The following BOD1L1 variants were observed in gnomAD, a reference collection of about 807,000 sequenced individuals.
The protein encoded by BOD1L1 is biorientation of chromosomes in cell division protein 1-like 1.
BOD1L1 carries 86 observed loss-of-function variants against 240.7 expected under a neutral mutation model. The ratio of observed to expected loss-of-function variants is 0.36; its 90% CI spans 0.30 to 0.43. The LOEUF (loss-of-function observed/expected upper bound fraction) is 0.43. BOD1L1 is among the 20% of genes least tolerant of loss of function. The pLI is 1.00. For missense variants in BOD1L1, 3,554 were observed against 3,643.5 expected, an observed-to-expected ratio of 0.98 and a Z score of 0.63; for synonymous variants, 1,268 against 1,272.3, an observed-to-expected ratio of 1.00 and a Z score of 0.07.
intron 17 of BOD1L1, among the ~76,000 whole-genome samples, chr4:13,582,939 G>C (rs562026350): frequency 3.9e-5 from 6 of 152,310 alleles, no homozygotes; most frequent in African/African-American, 1.4e-4. Flanking sequence ...GAACAGAAAA[G>C]CATGAGATAA....
intron 9 of BOD1L1, among the ~76,000 whole-genome samples, chr4:13,606,266 G>T (rs531566320): frequency 6.6e-6 from 1 of 152,044 alleles, no homozygotes; most frequent in Non-Finnish European, 1.5e-5. Flanking sequence ...TTCTTATAGA[G>T]AATTATCATA....
intron 7 of BOD1L1, 32 bp downstream of exon 7, chr4:13,609,263 T>C (rs1560210694): frequency 4.8e-6 from 6 of 1,246,998 alleles, no homozygotes; most frequent in Non-Finnish European, 6.4e-6. Flanking sequence ...ATATATGAGA[T>C]AGTTTAAAAT....
intron 22 of BOD1L1, among the ~76,000 whole-genome samples, chr4:13,578,580 C>T (rs1712970154): frequency 1.3e-5 from 2 of 152,180 alleles, no homozygotes; most frequent in African/African-American, 2.4e-5. Context: ...CAGGGTCTTG[C>T]TCTGTTGGCC....
chr4:13,591,291 T>C (rs1005928884), intron 13 of BOD1L1, among the ~76,000 whole-genome samples: 7 of 152,038 alleles, frequency 4.6e-5, no homozygotes, highest in African/African-American at 1.7e-4. Flanking sequence ...GGTGTATGAG[T>C]TTCTAGCTAC....
Position 13,582,746 on chromosome 4 carries a change from A to C in BOD1L1, c.8434-10T>G. On this transcript the variant is annotated splice_polypyrimidine_tract_variant and intron_variant, in intron 17 of 25. Coordinates refer to ENST00000040738, the MANE Select transcript of BOD1L1 (RefSeq NM_148894.3). The stretch of plus-strand genomic sequence containing the variant: ...CTCTGGAGTTCTCTTCCTATAGAGA[A>C]GTTGAAAAAGACTAGAACCTTCTTC... 1.9e-6 allele frequency: 3 copies of C among 1,578,578 alleles called. No homozygotes were observed. The highest frequency in any genetic ancestry group is 2.6e-6 in the Non-Finnish European group (3 of 1,149,252).
chr4:13,614,355 T>G lies in BOD1L1; in HGVS notation c.1015A>C (p.Lys339Gln). Reference protein sequence around the residue: ...NEKGERKKEKKEKTEKKFDHS... With the variant: ...NEKGERKKEKQEKTEKKFDHS... The stretch of plus-strand genomic sequence containing the variant: ...TCAAATTTCTTTTCAGTCTTTTCCT[T>G]CTTTTCTTTCTTTCTTTCTCCTTTC... Residue 339 changes from lysine to glutamine, a missense_variant, in exon 4 of 26, where the codon AAG becomes CAG. This residue lies in a region of BOD1L1 where 3,393 missense variants were observed against 3,427.1 expected (regional missense o/e 0.99). Coordinates refer to ENST00000040738, the MANE Select transcript of BOD1L1 (RefSeq NM_148894.3). The G allele has an allele frequency of 1.9e-6, 3 of 1,551,492 alleles. No individual in the cohort carries two copies. The highest frequency in any genetic ancestry group is 2.6e-6 in the Non-Finnish European group (3 of 1,147,048).
intron 8 of BOD1L1, among the ~76,000 whole-genome samples, chr4:13,607,624 G>A (rs1419896284): frequency 2.0e-5 from 3 of 152,138 alleles, no homozygotes; most frequent in Non-Finnish European, 4.4e-5. Flanking sequence ...ACACTTGATC[G>A]ACAAATGCAG....
rs1447114764 is a variant in BOD1L1, at chr4:13,604,863, T to A, written c.2037A>T (p.Gln679His). The part of the protein sequence containing the change: ...EETDTRDVKR[Q>H]VERSEICTEE... ...CGGTGCAAATTTCTGAGCGTTCTAC[T>A]TGCCTTTTTACATCTCTTGTGTCAG... The change falls in exon 10 of 26, where the codon CAA becomes CAT. Residue 679 changes from glutamine to histidine, a missense_variant. Around this residue, in one of 2 missense-constraint regions of BOD1L1, gnomAD observed 3,393 missense variants for 3,427.1 expected, o/e 0.99. Coordinates refer to ENST00000040738, the MANE Select transcript of BOD1L1 (RefSeq NM_148894.3). 1.2e-6 allele frequency: 2 copies of A among 1,612,204 alleles called. No individual in the cohort carries two copies. Among genetic ancestry groups the A allele is most frequent in the Non-Finnish European group, 1.7e-6 (2 of 1,179,514 alleles).
At chr4:13,588,319 A>AT (rs1332158118) in intron 15 of BOD1L1, among the ~76,000 whole-genome samples, 3 of 152,220 alleles carry the variant, frequency 2.0e-5, no homozygotes, top group African/African-American at 7.2e-5. Context: ...TTCTAGCTAC[A>AT]TACTATATTT....
chr4:13,583,947 G>GGACT (rs1713435804), intron 17 of BOD1L1, among the ~76,000 whole-genome samples: 1 of 152,106 alleles, frequency 6.6e-6, no homozygotes, highest in Admixed American at 6.5e-5. Flanking sequence ...CTGTGTTGTG[G>GGACT]GACTCCCAGC....
chr4:13,608,645 C>T lies in BOD1L1; in HGVS notation c.1627G>A (p.Glu543Lys). 1 of 1,530,224 alleles carries T rather than the reference C, an allele frequency of 6.5e-7. No individual in the cohort carries two copies. 94.8% of individuals were successfully genotyped at this position (1,530,224 alleles called of 1,614,324 possible). Residue 543 changes from glutamate to lysine, a missense_variant, in exon 8 of 26, where the codon GAA becomes AAA. Coordinates refer to ENST00000040738, the MANE Select transcript of BOD1L1 (RefSeq NM_148894.3). ...GQGRSSVDLE[E>K]SSTKSLEPKA... ...GGTTCCAAACTCTTTGTTGATGATTCTTCTAAGTCCACACTACTCCTGCCT... is the reference window on the plus strand; with the variant it reads ...GGTTCCAAACTCTTTGTTGATGATTTTTCTAAGTCCACACTACTCCTGCCT...
At chr4:13,572,221 GTGAGGACAC>G (rs1712267391) in intron 25 of BOD1L1, among the ~76,000 whole-genome samples, 1 of 152,212 alleles carries the variant, frequency 6.6e-6, no homozygotes, top group African/African-American at 2.4e-5. Context: ...GGTGCTGGTG[GTGAGGACAC>G]TCCTCACTGG....
rs761812779 is a variant in BOD1L1, at chr4:13,576,985, G to A, written c.8891C>T (p.Ser2964Leu). Residue 2964 changes from serine (S) to leucine (L), a missense_variant, in exon 25 of 26, where the codon TCA becomes TTA. Ser to Leu is a moderately radical substitution (Grantham distance 145). Around this residue, in one of 2 missense-constraint regions of BOD1L1, gnomAD observed 3,393 missense variants for 3,427.1 expected, o/e 0.99. Transcript: ENST00000040738. The stretch of plus-strand genomic sequence containing the variant: ...TTTCTGGCGTTTTCTTTCTGGCTCT[G>A]AGGATTCTGTTCAAATAGAAGGGTA... ...SLTVSDDAES[S>L]EPERKRQKSV... is the part of the protein sequence containing the mutation. 3 of 1,613,678 alleles carry A rather than the reference G, an allele frequency of 1.9e-6. No homozygotes were observed. The highest frequency in any genetic ancestry group is 2.5e-6 in the Non-Finnish European group (3 of 1,179,770).
At position 13,600,522 on chromosome 4, in the gene BOD1L1, A is replaced by G. The variant is rs1289037170; in HGVS notation, c.6378T>C (p.Asp2126=). 5.6e-6 allele frequency: 9 copies of G among 1,613,832 alleles called. No individual in the cohort carries two copies. In the Admixed American group the frequency reaches 1.5e-4, roughly 27 times the overall value. The change falls in exon 10 of 26, where the codon GAT becomes GAC. Residue 2126 remains aspartate (D), a synonymous_variant. Coordinates refer to ENST00000040738, the MANE Select transcript of BOD1L1 (RefSeq NM_148894.3). The part of the protein sequence containing the change: ...EAPMPSAVSG[D]DSQLTASRSE... ...TTCTGCTGGCAGTGAGTTGGCTGTC[A>G]TCTCCTGAGACTGCACTGGGCATGG...
In BOD1L1 at chr4:13,622,316, AACT is replaced by A. The variant is rs369411944; in HGVS notation, c.244-2252_244-2250del. 7.8e-4 allele frequency among the ~76,000 whole-genome samples: 119 copies of A among 152,310 alleles called. 1 individual carries two copies. The highest frequency in any genetic ancestry group is 2.8e-3 in the African/African-American group (116 of 41,562). On this transcript the variant is annotated intron_variant, in intron 1 of 25. Transcript: ENST00000040738. ...TCTTCCCAGAACAAGTTCAAATCTG[AACT>A]ACTCAACAGGTAATTTTCCTTGTTT...
At position 13,608,564 on chromosome 4, in the gene BOD1L1, CT is replaced by C; in HGVS notation, c.1707del (p.Val570Ter). On this transcript the variant is annotated frameshift_variant, in exon 8 of 26. Transcript: ENST00000040738. LOFTEE classifies it high-confidence loss of function. ...VLKERKVLEK[K>X]VALSKKRKKD... ...TTTTTTCTCTTTTTGCTTAAGGCTA[CT>C]TTTTTTTCTAAAACTTTCCGTTCTT... 10 of 1,541,504 alleles carry C rather than the reference CT, an allele frequency of 6.5e-6. No individual in the cohort carries two copies. Among genetic ancestry groups the C allele is most frequent in the Admixed American group, 4.3e-5 (2 of 45,994 alleles).
intron 22 of BOD1L1, chr4:13,577,867 A>T: frequency 2.8e-6 from 1 of 356,618 alleles, no homozygotes; most frequent in Non-Finnish European, 5.0e-6. Context: ...GCTGACCCTC[A>T]GTTTTTTCAG....
intron 25 of BOD1L1, among the ~76,000 whole-genome samples, chr4:13,574,208 A>G (rs1712502770): frequency 6.6e-6 from 1 of 152,198 alleles, no homozygotes; most frequent in African/African-American, 2.4e-5. Flanking sequence ...TTTCCCTGCC[A>G]CTGAGGTCCA....
chr4:13,573,314 G>C (rs1340202684), intron 25 of BOD1L1, among the ~76,000 whole-genome samples: 2 of 152,150 alleles, frequency 1.3e-5, no homozygotes, highest in Non-Finnish European at 2.9e-5. Context: ...TTGAGGCTCA[G>C]TAATGAGGAT....
Sources: gnomAD v4.1 joint callset for allele counts (sites outside exome capture counted in the v4.1 genomes callset) on GRCh38, gnomAD v4.1.1 for gene constraint, gnomAD v4.1.1 regional missense constraint, MANE v1.5 for transcripts, NCBI Gene and HGNC (gene_info 2026-07-23, HGNC 2026-07-21) for gene names.